The following DMC1 variants were observed in gnomAD, a reference collection of about 807,000 sequenced individuals.
DMC1 encodes the protein meiotic recombination protein DMC1 homolog.
DMC1 carries 27 observed loss-of-function variants against 50.1 expected under a neutral mutation model. That is an observed-to-expected ratio of 0.54 (90% CI 0.40 to 0.74). The LOEUF is 0.74. Among genes scored for constraint, DMC1 ranks in the 30% least tolerant of loss-of-function variants. The pLI is 0.00. For missense variants in DMC1, 295 were observed against 420.2 expected, an observed-to-expected ratio of 0.70 and a Z score of 2.60; for synonymous variants, 148 against 136.1, an observed-to-expected ratio of 1.09 and a Z score of -0.61.
chr22:38,515,602 C>T (rs1024546117), downstream of DMC1, among the ~76,000 whole-genome samples: 1 of 151,934 alleles, frequency 6.6e-6, no homozygotes, highest in Non-Finnish European at 1.5e-5. Flanking sequence ...ATTTCGAGAC[C>T]ATCCTGGCCA....
intron 5 of DMC1, among the ~76,000 whole-genome samples, chr22:38,556,092 A>G (rs1328447375): frequency 2.6e-5 from 4 of 152,202 alleles, no homozygotes; most frequent in Non-Finnish European, 5.9e-5. Flanking sequence ...TTGGCTTCCC[A>G]AAGTGCTGGG....
At chr22:38,518,878 T>G (rs529371910), downstream of DMC1, 1 of 152,418 alleles carries the variant, frequency 6.6e-6, no homozygotes, top group East Asian at 1.9e-4. Context: ...TCTATAAAGA[T>G]TGAAGTCTAT....
At chr22:38,554,885 C>T (rs2090452334) in intron 6 of DMC1, among the ~76,000 whole-genome samples, 1 of 151,976 alleles carries the variant, frequency 6.6e-6, no homozygotes. Flanking sequence ...AGATCAAGAC[C>T]ATCCTGGCTA....
chr22:38,557,709 G>C (rs984399959), intron 5 of DMC1, among the ~76,000 whole-genome samples: 4 of 152,042 alleles, frequency 2.6e-5, no homozygotes, highest in Non-Finnish European at 5.9e-5. Flanking sequence ...GTAATAACCT[G>C]TGCATATTTG....
rs114228623 is a variant in DMC1 at position 38,561,058 on chromosome 22, C to A, written c.326+1229G>T. ...CGTCACCCAGGCTAGAGTGCAGTGG[C>A]ATGATCGCGGCTCACTAGAGCCTCA... On this transcript the variant is annotated intron_variant, in intron 5 of 13. Coordinates refer to ENST00000216024, the MANE Select transcript of DMC1 (RefSeq NM_007068.4). 3.5e-3 allele frequency among the ~76,000 whole-genome samples: 532 copies of A among 152,104 alleles called. 1 individual carries two copies. Among genetic ancestry groups the A allele is most frequent in the African/African-American group, 0.012 (518 of 41,476 alleles).
intron 12 of DMC1, among the ~76,000 whole-genome samples, chr22:38,531,244 T>TGA (rs2090148259): frequency 6.6e-6 from 1 of 152,172 alleles, no homozygotes; most frequent in African/African-American, 2.4e-5. Context: ...GACTGATACT[T>TGA]TGACTTTTTA....
At chr22:38,566,479 G>T in intron 4 of DMC1, 111 bp downstream of exon 4, 1 of 1,170,978 alleles carries the variant, frequency 8.5e-7, no homozygotes, top group Non-Finnish European at 1.2e-6. Flanking sequence ...ATAATATACT[G>T]TGATCTACAG....
At chr22:38,555,089 CAA>C (rs56405720) in intron 6 of DMC1, among the ~76,000 whole-genome samples, 13 of 87,706 alleles carry the variant, frequency 1.5e-4, no homozygotes, top group East Asian at 3.8e-4. Context: ...GACTCCGTCT[CAA>C]AAAAAAAAAA....
chr22:38,557,902 AT>A, intron 5 of DMC1, among the ~76,000 whole-genome samples: 1 of 147,308 alleles, frequency 6.8e-6, no homozygotes, highest in African/African-American at 2.5e-5. Context: ...TACAAAAGAT[AT>A]TTAGGTAATT....
At chr22:38,562,790 CAT>C (rs1357741091) in intron 4 of DMC1, among the ~76,000 whole-genome samples, 2 of 151,662 alleles carry the variant, frequency 1.3e-5, no homozygotes, top group Non-Finnish European at 2.9e-5. Flanking sequence ...TATACATATA[CAT>C]ATATACACAT....
At chr22:38,546,402 C>G (rs914712968) in intron 8 of DMC1, among the ~76,000 whole-genome samples, 5 of 151,386 alleles carry the variant, frequency 3.3e-5, no homozygotes, top group South Asian at 4.2e-4. Context: ...AAAAAAAAAA[C>G]TCCAAATTGC....
intron 12 of DMC1, among the ~76,000 whole-genome samples, chr22:38,522,200 C>T (rs902098481): frequency 2.0e-5 from 3 of 151,116 alleles, no homozygotes; most frequent in Non-Finnish European, 4.4e-5. Flanking sequence ...ATCTGCCCGC[C>T]TGGGCCTCCC....
chr22:38,558,741 C>T (rs998008966), intron 5 of DMC1, among the ~76,000 whole-genome samples: 2 of 151,884 alleles, frequency 1.3e-5, no homozygotes, highest in Admixed American at 1.3e-4. Context: ...CAAAAAAAAA[C>T]CTAGCTCCTG....
chr22:38,537,616 G>A lies in DMC1; in HGVS notation c.812C>T (p.Thr271Ile), dbSNP rs572258332. ...CGTCATAGTTGCTCCTGGATCGGCA[G>A]TCATTTGATTGGTCACAAAAACAGC... Reference protein sequence around the residue: ...NVAVFVTNQMTADPGATMTFQ... With the variant: ...NVAVFVTNQMIADPGATMTFQ... Residue 271 changes from threonine to isoleucine, a missense_variant, in exon 12 of 14, where the codon ACT (threonine) becomes ATT (isoleucine). Physicochemically the swap from Thr to Ile is moderately conservative, Grantham distance 89 (BLOSUM62 -1). Coordinates refer to ENST00000216024, the MANE Select transcript of DMC1 (RefSeq NM_007068.4). 1.2e-6 allele frequency: 2 copies of A among 1,614,052 alleles called. No individual in the cohort carries two copies. Among genetic ancestry groups the A allele is most frequent in the African/African-American group, 1.3e-5 (1 of 75,030 alleles).
chr22:38,521,538 TACACACACAC>T (rs111317680), intron 13 of DMC1, 60 bp downstream of exon 13: 13,421 of 642,614 alleles, frequency 0.021, 87 homozygotes, highest in East Asian at 0.11. Context: ...ACCCCGTCTC[TACACACACAC>T]ACACACACAC....
chr22:38,548,510 G>GTCTGCAGTGAGTGTAATTGGGCC (rs1209061856), intron 8 of DMC1, among the ~76,000 whole-genome samples: 1 of 152,132 alleles, frequency 6.6e-6, no homozygotes, highest in Non-Finnish European at 1.5e-5. Context: ...GGGAGTTCGA[G>GTCTGCAGTGAGTGTAATTGGGCC]TCTGCAGTGA....
intron 5 of DMC1, among the ~76,000 whole-genome samples, chr22:38,561,522 A>G (rs927019239): frequency 2.0e-5 from 3 of 152,200 alleles, no homozygotes; most frequent in Non-Finnish European, 2.9e-5. Flanking sequence ...TTTAGGTCAG[A>G]GGATCAGGAA....
chr22:38,551,933 T>C (rs2090416685), intron 7 of DMC1, among the ~76,000 whole-genome samples: 1 of 144,056 alleles, frequency 6.9e-6, no homozygotes, highest in African/African-American at 2.6e-5. Flanking sequence ...CGATATCGGC[T>C]CACTGCAAGC....
At chr22:38,523,606 A>G in intron 12 of DMC1, among the ~76,000 whole-genome samples, 1 of 152,128 alleles carries the variant, frequency 6.6e-6, no homozygotes, top group African/African-American at 2.4e-5. Flanking sequence ...TATTGTGTTT[A>G]GTTCTGCACA....
Sources: allele counts gnomAD v4.1 joint callset (sites outside exome capture counted in the v4.1 genomes callset), GRCh38; gene constraint gnomAD v4.1.1; transcripts MANE v1.5; gene names NCBI Gene and HGNC (gene_info 2026-07-23, HGNC 2026-07-21).